The following KHDRBS2 variants were observed in gnomAD, a reference collection of about 807,000 sequenced individuals.
KHDRBS2 encodes KH domain-containing, RNA-binding, signal transduction-associated protein 2.
In KHDRBS2, 26 loss-of-function variants were observed where a neutral mutation model predicts 44.3. That is an observed-to-expected ratio of 0.59 (90% CI 0.43 to 0.81). KHDRBS2 has a LOEUF of 0.81. KHDRBS2 is among the 40% of genes least tolerant of loss of function. The probability of loss-of-function intolerance (pLI) is 0.00; values close to 1 mark genes in which losing one functional copy is unlikely to be tolerated. For missense variants in KHDRBS2, 476 were observed against 433.1 expected, an observed-to-expected ratio of 1.10 and a Z score of -0.88; for synonymous variants, 194 against 151.1, an observed-to-expected ratio of 1.28 and a Z score of -2.08.
At chr6:62,006,716 A>C (rs1779300162) in intron 3 of KHDRBS2, among the ~76,000 whole-genome samples, 1 of 152,122 alleles carries the variant, frequency 6.6e-6, no homozygotes, top group African/African-American at 2.4e-5. Flanking sequence ...AGTATAATAT[A>C]GAATGTATAA....
the KHDRBS2 span, among the ~76,000 whole-genome samples, chr6:61,652,923 T>C: frequency 6.6e-6 from 1 of 152,070 alleles, no homozygotes; most frequent in African/African-American, 2.4e-5. Flanking sequence ...AAAAAGTACC[T>C]TTGACTGCAA....
At chr6:61,942,694 G>A (rs1262305770) in intron 4 of KHDRBS2, among the ~76,000 whole-genome samples, 6 of 152,036 alleles carry the variant, frequency 3.9e-5, no homozygotes, top group Admixed American at 1.3e-4. Flanking sequence ...CAAGTCTAGC[G>A]AGAAATTTAG....
At chr6:62,134,601 C>T (rs1037035115) in intron 2 of KHDRBS2, among the ~76,000 whole-genome samples, 13 of 152,234 alleles carry the variant, frequency 8.5e-5, no homozygotes, top group Admixed American at 2.6e-4. Flanking sequence ...ACAGCTTGCA[C>T]TGTGTACCTG....
chr6:62,250,106 A>AACTTTCAAAAGTCAGG (rs1836273867), intron 1 of KHDRBS2, among the ~76,000 whole-genome samples: 2 of 152,228 alleles, frequency 1.3e-5, no homozygotes, highest in Middle Eastern at 6.8e-3. Context: ...CTATCCAGAA[A>AACTTTCAAAAGTCAGG]ACTTTCAAAA....
At chr6:62,189,493 T>C (rs1027605455) in intron 1 of KHDRBS2, among the ~76,000 whole-genome samples, 18 of 152,112 alleles carry the variant, frequency 1.2e-4, no homozygotes, top group Admixed American at 4.6e-4. Flanking sequence ...AGGTAATTTA[T>C]TATGCAACAA....
intron 1 of KHDRBS2, among the ~76,000 whole-genome samples, chr6:62,232,709 T>G (rs1332863228): frequency 1.3e-5 from 2 of 152,188 alleles, no homozygotes; most frequent in Non-Finnish European, 2.9e-5. Context: ...TATCTTCTTT[T>G]GTCCAGTTTT....
At chr6:61,845,113 A>C (rs1425907365) in intron 6 of KHDRBS2, among the ~76,000 whole-genome samples, 1 of 152,176 alleles carries the variant, frequency 6.6e-6, no homozygotes, top group Admixed American at 6.5e-5. Context: ...TTGTTTCGGA[A>C]TTATTGAATC....
chr6:62,083,292 A>G (rs1797763446), intron 2 of KHDRBS2, among the ~76,000 whole-genome samples: 1 of 152,154 alleles, frequency 6.6e-6, no homozygotes, highest in Non-Finnish European at 1.5e-5. Flanking sequence ...GAGTTCAGCC[A>G]GGGACAGCCA....
intron 7 of KHDRBS2, among the ~76,000 whole-genome samples, chr6:61,727,605 C>G (rs1216284800): frequency 6.6e-6 from 1 of 152,018 alleles, no homozygotes; most frequent in Non-Finnish European, 1.5e-5. Flanking sequence ...ACAAACAACC[C>G]CATTAAAAAC....
intron 2 of KHDRBS2, among the ~76,000 whole-genome samples, chr6:62,106,298 C>T (rs1367750190): frequency 1.3e-5 from 2 of 152,190 alleles, no homozygotes; most frequent in African/African-American, 4.8e-5. Flanking sequence ...ATTAGGTCTG[C>T]TTGGTGCAGA....
At chr6:61,929,079 A>T (rs1346693999) in intron 4 of KHDRBS2, among the ~76,000 whole-genome samples, 1 of 152,134 alleles carries the variant, frequency 6.6e-6, no homozygotes, top group South Asian at 2.1e-4. Context: ...GCCAAAAAAC[A>T]TTCAAATTGG....
At position 62,068,139 on chromosome 6, in the gene KHDRBS2, T is replaced by C. The variant is rs529097321; in HGVS notation, c.220-20145A>G. Among the ~76,000 whole-genome samples, 4 of 151,634 alleles carry C rather than the reference T, an allele frequency of 2.6e-5. No homozygotes were observed. In the South Asian group the frequency reaches 8.3e-4, roughly 31 times the overall value. On this transcript the variant is annotated intron_variant, in intron 2 of 8. Transcript: ENST00000281156. ...ATTGTTTTCCAAAGTGGCTGCAAGA[T>C]TTAACAGTCCCACCTGTAATGCATG... is the stretch of plus-strand genomic sequence containing the variant.
At chr6:62,029,870 A>G (rs1333362538) in intron 3 of KHDRBS2, among the ~76,000 whole-genome samples, 1 of 151,982 alleles carries the variant, frequency 6.6e-6, no homozygotes, top group Non-Finnish European at 1.5e-5. Flanking sequence ...ATTTTTGTTT[A>G]CATTAAGTGA....
At chr6:61,564,238 C>T in the KHDRBS2 span, among the ~76,000 whole-genome samples, 2 of 152,082 alleles carry the variant, frequency 1.3e-5, no homozygotes, top group Non-Finnish European at 2.9e-5. Flanking sequence ...TAAGCATCTA[C>T]CACATGCTTT....
At chr6:61,727,914 C>T (rs929671557) in intron 7 of KHDRBS2, among the ~76,000 whole-genome samples, 4 of 152,064 alleles carry the variant, frequency 2.6e-5, no homozygotes, top group Non-Finnish European at 4.4e-5. Flanking sequence ...CCAGCAATCC[C>T]ATTACTGGGT....
At chr6:62,016,561 TATA>T (rs1218699144) in intron 3 of KHDRBS2, among the ~76,000 whole-genome samples, 2 of 149,026 alleles carry the variant, frequency 1.3e-5, no homozygotes, top group East Asian at 3.9e-4. Context: ...TTTATATAAA[TATA>T]AGAATATTTG....
chr6:62,028,935 C>G (rs771985689), intron 3 of KHDRBS2, among the ~76,000 whole-genome samples: 7 of 151,826 alleles, frequency 4.6e-5, no homozygotes, highest in Non-Finnish European at 7.4e-5. Context: ...TTTTTTTCTT[C>G]TGCCTTGAAG....
At chr6:61,877,171 A>C (rs1187400965) in intron 6 of KHDRBS2, among the ~76,000 whole-genome samples, 2 of 152,002 alleles carry the variant, frequency 1.3e-5, no homozygotes, top group African/African-American at 2.4e-5. Flanking sequence ...ATTTATAGGC[A>C]AAGATTGTTG....
intron 6 of KHDRBS2, among the ~76,000 whole-genome samples, chr6:61,848,364 G>A (rs1433519279): frequency 1.4e-5 from 2 of 147,668 alleles, no homozygotes; most frequent in African/African-American, 2.5e-5. Context: ...TGAACAAGCA[G>A]GTCGCAATGT....
Sources: allele counts gnomAD v4.1 joint callset (sites outside exome capture counted in the v4.1 genomes callset), GRCh38; gene constraint gnomAD v4.1.1; transcripts MANE v1.5; gene names NCBI Gene and HGNC (gene_info 2026-07-23, HGNC 2026-07-21).